The following DNAL4 variants were observed in gnomAD, a reference collection of about 807,000 sequenced individuals.
The protein encoded by DNAL4 is dynein axonemal light chain 4.
In DNAL4, 10 loss-of-function variants were observed where a neutral mutation model predicts 12.6. That is an observed-to-expected ratio of 0.79 (90% CI 0.49 to 1.34). DNAL4 has a LOEUF of 1.34. Among genes scored for constraint, DNAL4 ranks in the 40% most tolerant of loss-of-function variants. The pLI is 0.00. For synonymous variants in DNAL4, 46 were observed against 53.1 expected, an observed-to-expected ratio of 0.87 and a Z score of 0.58; for missense variants, 128 against 138.1, an observed-to-expected ratio of 0.93 and a Z score of 0.37.
intron 2 of DNAL4, among the ~76,000 whole-genome samples, chr22:38,781,313 T>C (rs1035954482): frequency 3.3e-5 from 5 of 152,230 alleles, no homozygotes; most frequent in Non-Finnish European, 5.9e-5. Context: ...GCTATGGAAG[T>C]GTGTTCCGAC....
At chr22:38,791,648 TCC>T (rs1399396184) in intron 1 of DNAL4, among the ~76,000 whole-genome samples, 1 of 152,084 alleles carries the variant, frequency 6.6e-6, no homozygotes, top group Non-Finnish European at 1.5e-5. Flanking sequence ...CGCCTCAGCC[TCC>T]CAAAGTGCTG....
intron 1 of DNAL4, among the ~76,000 whole-genome samples, chr22:38,793,584 C>A (rs1008804771): frequency 1.1e-4 from 16 of 152,114 alleles, no homozygotes; most frequent in Non-Finnish European, 1.9e-4. Flanking sequence ...GTGGAAGAGG[C>A]CTTAGAGATC....
chr22:38,783,843 G>A (rs943400669), intron 1 of DNAL4, among the ~76,000 whole-genome samples: 8 of 152,188 alleles, frequency 5.3e-5, no homozygotes, highest in African/African-American at 1.7e-4. Flanking sequence ...GTACATGGCT[G>A]TTCCCTAACC....
At chr22:38,784,802 C>T (rs368989070) in intron 1 of DNAL4, among the ~76,000 whole-genome samples, 7 of 152,294 alleles carry the variant, frequency 4.6e-5, no homozygotes, top group East Asian at 3.9e-4. Flanking sequence ...CGTGAGCTAC[C>T]GCGCCCAGCC....
intron 1 of DNAL4, among the ~76,000 whole-genome samples, chr22:38,784,781 G>A (rs1260518617): frequency 6.6e-6 from 1 of 152,150 alleles, no homozygotes; most frequent in African/African-American, 2.4e-5. Context: ...CGAAAGTGCT[G>A]GGATTACAGG....
chr22:38,783,877 G>A (rs1031837713), intron 1 of DNAL4, among the ~76,000 whole-genome samples: 6 of 152,136 alleles, frequency 3.9e-5, no homozygotes, highest in Non-Finnish European at 4.4e-5. Context: ...CTAAAGAGAC[G>A]GGCCTGGACC....
intron 1 of DNAL4, among the ~76,000 whole-genome samples, chr22:38,792,364 C>G (rs1470949279): frequency 6.6e-6 from 1 of 151,616 alleles, no homozygotes; most frequent in Non-Finnish European, 1.5e-5. Flanking sequence ...CGCACTGAAA[C>G]CTCCACCTCC....
At position 38,779,869 on chromosome 22, in the gene DNAL4, G is replaced by C. The variant is rs909969720; in HGVS notation, c.154-256C>G. On this transcript the variant is annotated intron_variant, in intron 3 of 3. Coordinates refer to ENST00000216068, the MANE Select transcript of DNAL4 (RefSeq NM_005740.3). This position sits in a 1 kb window ranked among gnomAD's most constrained non-coding sequence, Gnocchi z 4.3. ...GGCTGAGGCGGGAAGGCAAGCATCA[G>C]GTCTGGAGATAGCCTGGGGCTGCGT... is the stretch of plus-strand genomic sequence containing the variant. Among the ~76,000 whole-genome samples, 2 of 152,196 alleles carry C rather than the reference G, an allele frequency of 1.3e-5. No individual in the cohort carries two copies. The highest frequency in any genetic ancestry group is 2.4e-5 in the African/African-American group (1 of 41,454).
intron 3 of DNAL4, chr22:38,780,668 C>T (rs2093032904): frequency 4.1e-6 from 2 of 485,592 alleles, no homozygotes; most frequent in South Asian, 5.0e-5. Flanking sequence ...AGCAGCCCAC[C>T]TGAGGCAGGG....
At chr22:38,788,888 G>C (rs924992195) in intron 1 of DNAL4, among the ~76,000 whole-genome samples, 1 of 152,202 alleles carries the variant, frequency 6.6e-6, no homozygotes, top group East Asian at 1.9e-4. Flanking sequence ...AACTGTGCCC[G>C]TGAGTCCAGA....
intron 1 of DNAL4, among the ~76,000 whole-genome samples, chr22:38,792,673 A>T (rs1467645260): frequency 1.3e-5 from 2 of 152,234 alleles, no homozygotes; most frequent in Non-Finnish European, 2.9e-5. Flanking sequence ...CAGGATGCTT[A>T]GTGTCACTAT....
chr22:38,791,549 AGTATTTT>A (rs1418956734), intron 1 of DNAL4, among the ~76,000 whole-genome samples: 3 of 151,082 alleles, frequency 2.0e-5, no homozygotes, highest in African/African-American at 7.3e-5. Flanking sequence ...TTGTATTTTT[AGTATTTT>A]GTATTTTGTA....
In DNAL4 at chr22:38,782,600, C is replaced by G; in HGVS notation, c.69+63G>C. Reference sequence around the variant, plus strand: ...GCCATCCTGCAAGGGACAAGCTCCACCCACCTCTCTCCAGGCTGTGTGGGC... The same window carrying G: ...GCCATCCTGCAAGGGACAAGCTCCAGCCACCTCTCTCCAGGCTGTGTGGGC... On this transcript the variant is annotated intron_variant, in intron 2 of 3. Coordinates refer to ENST00000216068, the MANE Select transcript of DNAL4 (RefSeq NM_005740.3). The surrounding 1 kb of genome is among the most constrained non-coding windows in gnomAD (Gnocchi z 5.1). The G allele has an allele frequency of 2.5e-6, 4 of 1,571,572 alleles. No homozygotes were observed. The highest frequency in any genetic ancestry group is 3.5e-6 in the Non-Finnish European group (4 of 1,146,698).
chr22:38,787,400 C>A (rs2093044133), intron 1 of DNAL4, among the ~76,000 whole-genome samples: 1 of 152,024 alleles, frequency 6.6e-6, no homozygotes, highest in South Asian at 2.1e-4. Context: ...CGCCACCACG[C>A]CTGGCTAATT....
At chr22:38,788,155 CA>C (rs772438098) in intron 1 of DNAL4, among the ~76,000 whole-genome samples, 4 of 152,090 alleles carry the variant, frequency 2.6e-5, no homozygotes, top group Non-Finnish European at 5.9e-5. Flanking sequence ...ACAAAGCTGA[CA>C]GGGGAGGAAA....
At position 38,782,640 on chromosome 22, in the gene DNAL4, T is replaced by TGCCTCCCTCCC. The variant is rs778851658; in HGVS notation, c.69+12_69+22dup. 25 of 1,611,890 alleles carry TGCCTCCCTCCC rather than the reference T, an allele frequency of 1.6e-5. No individual in the cohort carries two copies. Among genetic ancestry groups the TGCCTCCCTCCC allele is most frequent in the Non-Finnish European group, 1.8e-5 (21 of 1,179,408 alleles). Reference sequence around the variant, plus strand: ...GCTGTGTGGGCCCTGCCGGCAGTCCTGCCTCCCTCCCCTGGGGCTTACCCT... The same window carrying TGCCTCCCTCCC: ...GCTGTGTGGGCCCTGCCGGCAGTCCTGCCTCCCTCCCGCCTCCCTCCCCTGGGGCTTACCCT... On this transcript the variant is annotated intron_variant, in intron 2 of 3. Coordinates refer to ENST00000216068, the MANE Select transcript of DNAL4 (RefSeq NM_005740.3). The surrounding 1 kb of genome is among the most constrained non-coding windows in gnomAD (Gnocchi z 5.1).
chr22:38,788,942 A>G (rs2093046444), intron 1 of DNAL4, among the ~76,000 whole-genome samples: 1 of 152,228 alleles, frequency 6.6e-6, no homozygotes, highest in Admixed American at 6.5e-5. Flanking sequence ...GATGCCCCAG[A>G]GCACAAAGGC....
chr22:38,790,481 G>A (rs1405623172), intron 1 of DNAL4, among the ~76,000 whole-genome samples: 1 of 152,190 alleles, frequency 6.6e-6, no homozygotes, highest in Non-Finnish European at 1.5e-5. Context: ...GAAACCAGGT[G>A]GCACAGCTGG....
chr22:38,791,498 C>T (rs2093050539), intron 1 of DNAL4, among the ~76,000 whole-genome samples: 2 of 151,630 alleles, frequency 1.3e-5, no homozygotes, highest in South Asian at 2.1e-4. Flanking sequence ...GGATTACAGG[C>T]ACGTGCCACC....
Sources: gnomAD v4.1 joint callset for allele counts (sites outside exome capture counted in the v4.1 genomes callset) on GRCh38, gnomAD v4.1.1 for gene constraint, Gnocchi (gnomAD v3.1) non-coding constraint, MANE v1.5 for transcripts, NCBI Gene and HGNC (gene_info 2026-07-23, HGNC 2026-07-21) for gene names.